EML1: variants seen among roughly 807,000 people sequenced by gnomAD.
EML1 encodes the protein echinoderm microtubule-associated protein-like 1.
A neutral mutation model predicts 110.4 loss-of-function variants in EML1; 27 were observed. The ratio of observed to expected loss-of-function variants is 0.24; its 90% CI spans 0.18 to 0.34. The LOEUF is 0.34. Among genes scored for constraint, EML1 ranks in the 10% least tolerant of loss-of-function variants. The pLI is 1.00. For synonymous variants in EML1, 344 were observed against 385.8 expected, an observed-to-expected ratio of 0.89 and a Z score of 1.27; for missense variants, 741 against 1,030.9, an observed-to-expected ratio of 0.72 and a Z score of 3.85.
chr14:99,938,019 C>G, intron 20 of EML1, 107 bp downstream of exon 20: 1 of 1,113,734 alleles, frequency 9.0e-7, no homozygotes, highest in Non-Finnish European at 1.3e-6. Context: ...TCAGATTGCT[C>G]GGCTGCTACG....
intron 1 of EML1, among the ~76,000 whole-genome samples, chr14:99,836,456 A>G (rs914257779): frequency 3.3e-5 from 5 of 152,188 alleles, no homozygotes; most frequent in African/African-American, 1.2e-4. Context: ...ATCATCTGCA[A>G]ATAGACAGTT....
At chr14:99,739,098 G>GAA (rs2057007522) in intron 1 of EML1, among the ~76,000 whole-genome samples, 1 of 116,460 alleles carries the variant, frequency 8.6e-6, no homozygotes, top group Admixed American at 9.1e-5. Flanking sequence ...GTGTGAGAGA[G>GAA]AGAGACAGAG....
At chr14:99,817,429 G>T (rs1436616605) in intron 1 of EML1, among the ~76,000 whole-genome samples, 1 of 152,248 alleles carries the variant, frequency 6.6e-6, no homozygotes, top group Non-Finnish European at 1.5e-5. Context: ...CATCTTTCTT[G>T]TAGGTGGCAG....
In EML1 at chr14:99,910,229, C is replaced by T; in HGVS notation, c.1240-13C>T. 1.5e-5 allele frequency: 24 copies of T among 1,571,960 alleles called. No individual in the cohort carries two copies. Among genetic ancestry groups the T allele is most frequent in the Non-Finnish European group, 2.1e-5 (24 of 1,156,272 alleles). The stretch of plus-strand genomic sequence containing the variant: ...ATTAAATATATATATAATTTTTTTA[C>T]TACATTCTACAGAAACAAGAAAAGC... On this transcript the variant is annotated splice_polypyrimidine_tract_variant and intron_variant, in intron 11 of 21. Coordinates refer to ENST00000262233, the MANE Select transcript of EML1 (RefSeq NM_004434.3).
upstream of EML1, among the ~76,000 whole-genome samples, chr14:99,770,923 T>A (rs1040173810): frequency 1.1e-4 from 16 of 151,470 alleles, no homozygotes; most frequent in East Asian, 3.1e-3. Context: ...TAGCTGGGAC[T>A]ACAGGCGCCC....
In EML1 at chr14:99,939,134, C is replaced by T; in HGVS notation, c.2192-63C>T. ...TTCAGGACCGTTCAGTGGGCGCTTCCTGCGCCATGTGGCCCTGTGGCCCCT... is the reference window on the plus strand; with the variant it reads ...TTCAGGACCGTTCAGTGGGCGCTTCTTGCGCCATGTGGCCCTGTGGCCCCT... On this transcript the variant is annotated intron_variant, in intron 20 of 21. Transcript: ENST00000262233. This position sits in a 1 kb window ranked among gnomAD's most constrained non-coding sequence, Gnocchi z 4.2. 1 of 1,591,464 alleles carries T rather than the reference C, an allele frequency of 6.3e-7. No homozygotes were observed. Among genetic ancestry groups the T allele is most frequent in the Non-Finnish European group, 8.6e-7 (1 of 1,169,438 alleles).
intron 4 of EML1, among the ~76,000 whole-genome samples, chr14:99,885,019 T>A (rs951470728): frequency 6.6e-6 from 1 of 152,240 alleles, no homozygotes; most frequent in Admixed American, 6.5e-5. Flanking sequence ...TCTGTAGCTC[T>A]CCTCCCTTCA....
intron 1 of EML1, among the ~76,000 whole-genome samples, chr14:99,803,260 C>T (rs1306529795): frequency 6.6e-6 from 1 of 152,242 alleles, no homozygotes; most frequent in East Asian, 1.9e-4. Flanking sequence ...CACCATGCCA[C>T]ACATGTGACA....
At chr14:99,801,554 G>C (rs1386548082) in intron 1 of EML1, among the ~76,000 whole-genome samples, 1 of 151,956 alleles carries the variant, frequency 6.6e-6, no homozygotes. Context: ...GGCAGAGCTT[G>C]CAGTGAGCCA....
Position 99,850,853 on chromosome 14 carries a change from A to T in EML1, c.68A>T (p.Asp23Val). Reference sequence around the variant, plus strand: ...TCACTTGATCCTTTCTTTGGTTTAGATGACAGCGCTTCTGCTGCAAGTAGC... The same window carrying T: ...TCACTTGATCCTTTCTTTGGTTTAGTTGACAGCGCTTCTGCTGCAAGTAGC... ...DTSSLLQFCN[D>V]DSASAASSME... The change falls in exon 2 of 22, where the codon GAT becomes GTT. Residue 23 changes from aspartate (D) to valine (V), a missense_variant and splice_region_variant. This residue lies in a region of EML1 where 226 missense variants were observed against 255.6 expected (regional missense o/e 0.88). Transcript: ENST00000262233. 6.2e-7 allele frequency: 1 copy of T among 1,612,688 alleles called. No homozygotes were observed. The highest frequency in any genetic ancestry group is 8.5e-7 in the Non-Finnish European group (1 of 1,178,914).
chr14:99,773,488 GC>G (rs1318785628), exon 1 of EML1: 2 of 152,196 alleles, frequency 1.3e-5, no homozygotes, highest in African/African-American at 4.8e-5. Context: ...CCAGGACCAT[GC>G]CGCTGGAACA....
chr14:99,904,149 A>G (rs758511299), intron 9 of EML1, among the ~76,000 whole-genome samples: 2 of 152,214 alleles, frequency 1.3e-5, no homozygotes, highest in African/African-American at 2.4e-5. Context: ...TTAATCCTTT[A>G]CAATTTGTGT....
At chr14:99,787,837 A>C (rs1199754168) in intron 1 of EML1, among the ~76,000 whole-genome samples, 1 of 151,972 alleles carries the variant, frequency 6.6e-6, no homozygotes, top group Non-Finnish European at 1.5e-5. Flanking sequence ...TTATAAGGAC[A>C]CCAGTCATAT....
upstream of EML1, among the ~76,000 whole-genome samples, chr14:99,769,858 C>T (rs981397110): frequency 2.0e-5 from 3 of 152,204 alleles, no homozygotes; most frequent in African/African-American, 7.2e-5. Context: ...CTCCTCTTTC[C>T]TCCTTTTCTT....
chr14:99,802,540 C>T (rs2057900405), intron 1 of EML1, among the ~76,000 whole-genome samples: 1 of 151,978 alleles, frequency 6.6e-6, no homozygotes, highest in African/African-American at 2.4e-5. Context: ...GGGTAACATC[C>T]TGTATTTACA....
rs945422115 is a variant in EML1, at chr14:99,940,969, G to C, written c.*857G>C. On this transcript the variant is annotated 3_prime_UTR_variant, in exon 22 of 22. Coordinates refer to ENST00000262233, the MANE Select transcript of EML1 (RefSeq NM_004434.3). ...TAAATATGTAAGACTAGGCTTTACT[G>C]TCTTATGCTTATGGACATTGTATAT... The C allele has an allele frequency of 6.6e-6, 1 of 152,190 alleles. No individual in the cohort carries two copies. Among genetic ancestry groups the C allele is most frequent in the Non-Finnish European group, 1.5e-5 (1 of 68,038 alleles). 9.4% of individuals were successfully genotyped at this position (152,190 alleles called of 1,614,324 possible). A position where few individuals can be genotyped will look rare whatever the true frequency, so the allele number is the denominator to read the frequency against.
At chr14:99,883,563 A>G (rs2139956409) in intron 4 of EML1, 1 of 152,162 alleles carries the variant, frequency 6.6e-6, no homozygotes, top group Non-Finnish European at 1.5e-5. Context: ...TAGATGCACT[A>G]AAAAGAAGAA....
At chr14:99,752,443 T>C (rs1291872118) in intron 1 of EML1, among the ~76,000 whole-genome samples, 2 of 152,230 alleles carry the variant, frequency 1.3e-5, no homozygotes, top group African/African-American at 4.8e-5. Flanking sequence ...AGTGGAAGCA[T>C]GTCCCAAATA....
rs200143672 is a variant in EML1 at position 99,840,095 on chromosome 14, CTA to C, written c.68-10756_68-10755del. On this transcript the variant is annotated intron_variant, in intron 1 of 21. Coordinates refer to ENST00000262233, the MANE Select transcript of EML1 (RefSeq NM_004434.3). ...CTCCGAATATGACAATAGAGTATAACTATTCCGTGAACAACGTATAATATGGA... is the reference window on the plus strand; with the variant it reads ...CTCCGAATATGACAATAGAGTATAACTTCCGTGAACAACGTATAATATGGA... 8.7e-3 allele frequency among the ~76,000 whole-genome samples: 1,328 copies of C among 152,328 alleles called. 75 individuals are homozygous for C. Among genetic ancestry groups the C allele is most frequent in the Admixed American group, 0.08 (1,221 of 15,304 alleles).
Sources: allele counts gnomAD v4.1 joint callset (sites outside exome capture counted in the v4.1 genomes callset), GRCh38; gene constraint gnomAD v4.1.1; regional missense constraint gnomAD v4.1.1; non-coding constraint Gnocchi (gnomAD v3.1); transcripts MANE v1.5; gene names NCBI Gene and HGNC (gene_info 2026-07-23, HGNC 2026-07-21).